The following MIS18BP1 variants were observed in gnomAD, a reference collection of about 807,000 sequenced individuals.
MIS18BP1 encodes MIS18 binding protein 1.
A neutral mutation model predicts 116.1 loss-of-function variants in MIS18BP1; 72 were observed. That is an observed-to-expected ratio of 0.62 (90% CI 0.51 to 0.75). The LOEUF is 0.75. MIS18BP1 is among the 30% of genes least tolerant of loss of function. The pLI, the probability that MIS18BP1 is intolerant of heterozygous loss-of-function variation, is 0.00. For synonymous variants in MIS18BP1, 386 were observed against 427.0 expected (o/e 0.90, Z 1.18); for missense variants, 1,363 against 1,303.2 (o/e 1.05, Z -0.71).
At chr14:45,223,007 C>A (rs1374066503) in intron 11 of MIS18BP1, among the ~76,000 whole-genome samples, 1 of 152,174 alleles carries the variant, frequency 6.6e-6, no homozygotes, top group Admixed American at 6.5e-5. Context: ...TCAGCCCCAG[C>A]TGATGCTGTG....
chr14:45,226,210 C>A (rs1310655499), intron 10 of MIS18BP1, among the ~76,000 whole-genome samples: 1 of 152,170 alleles, frequency 6.6e-6, no homozygotes, highest in Non-Finnish European at 1.5e-5. Context: ...ATAAGTAGCA[C>A]TGCTTTCCTA....
chr14:45,250,912 C>T (rs965291048), intron 1 of MIS18BP1, among the ~76,000 whole-genome samples: 3 of 152,102 alleles, frequency 2.0e-5, no homozygotes, highest in Non-Finnish European at 4.4e-5. Flanking sequence ...TGACACGCGC[C>T]TGTATTCCCA....
chr14:45,221,416 G>A (rs550072251), intron 11 of MIS18BP1, among the ~76,000 whole-genome samples: 7 of 152,174 alleles, frequency 4.6e-5, no homozygotes, highest in Admixed American at 1.3e-4. Context: ...CAGCCTGGGC[G>A]ACAGAGCAAG....
chr14:45,245,592 G>A (rs1020232672), intron 2 of MIS18BP1, among the ~76,000 whole-genome samples: 1 of 152,002 alleles, frequency 6.6e-6, no homozygotes, highest in South Asian at 2.1e-4. Flanking sequence ...TTGAACCCCC[G>A]ACCTCAGGTG....
Position 45,242,017 on chromosome 14 carries a change from C to A in MIS18BP1, c.1143+17G>T. Reference sequence around the variant, plus strand: ...GGTAAAAATAGAAATAAATATCTGTCTTAAAAGTTTTCCCACCTGATTTTT... The same window carrying A: ...GGTAAAAATAGAAATAAATATCTGTATTAAAAGTTTTCCCACCTGATTTTT... On this transcript the variant is annotated intron_variant, in intron 4 of 16. Transcript: ENST00000310806. 2 of 1,584,180 alleles carry A rather than the reference C, an allele frequency of 1.3e-6. No homozygotes were observed. The highest frequency in any genetic ancestry group is 1.2e-5 in the South Asian group (1 of 85,338).
At chr14:45,232,280 G>A (rs955007041) in intron 7 of MIS18BP1, among the ~76,000 whole-genome samples, 3 of 151,950 alleles carry the variant, frequency 2.0e-5, no homozygotes, top group African/African-American at 4.8e-5. Context: ...AGCCAGGTGT[G>A]GTGGCGGGCG....
intron 14 of MIS18BP1, 84 bp downstream of exon 14, chr14:45,210,296 G>T: frequency 1.5e-6 from 2 of 1,335,528 alleles, no homozygotes; most frequent in Admixed American, 2.3e-5. Flanking sequence ...CCCATTACTG[G>T]CATCTATGGT....
At chr14:45,236,463 T>C (rs1891431600) in intron 5 of MIS18BP1, among the ~76,000 whole-genome samples, 1 of 152,194 alleles carries the variant, frequency 6.6e-6, no homozygotes, top group African/African-American at 2.4e-5. Context: ...GACCCATAAA[T>C]CTATTCTTTA....
intron 2 of MIS18BP1, 72 bp downstream of exon 2, chr14:45,246,671 G>A: frequency 7.1e-7 from 1 of 1,402,652 alleles, no homozygotes; most frequent in Non-Finnish European, 9.6e-7. Context: ...TATATTCTGA[G>A]CACCTAAAAC....
chr14:45,217,766 C>T (rs899019102), intron 12 of MIS18BP1, among the ~76,000 whole-genome samples: 14 of 152,172 alleles, frequency 9.2e-5, no homozygotes, highest in Admixed American at 2.0e-4. Flanking sequence ...AGAATGACTG[C>T]CTCTACATTG....
chr14:45,234,865 G>T (rs985921070), intron 6 of MIS18BP1, among the ~76,000 whole-genome samples: 1 of 152,204 alleles, frequency 6.6e-6, no homozygotes, highest in Non-Finnish European at 1.5e-5. Context: ...GGAGTTAAAT[G>T]ATATTCTTAT....
Position 45,235,491 on chromosome 14 carries a change from G to A in MIS18BP1, c.1348+323C>T, listed in dbSNP as rs1371955973. ...CTTAGTCCCGGCTACTCAGGAGGCTGAGGCAGGACAATCACTTGAACCCCG... is the reference window on the plus strand; with the variant it reads ...CTTAGTCCCGGCTACTCAGGAGGCTAAGGCAGGACAATCACTTGAACCCCG... On this transcript the variant is annotated intron_variant, in intron 6 of 16. Coordinates refer to ENST00000310806, the MANE Select transcript of MIS18BP1 (RefSeq NM_018353.5). Among the ~76,000 whole-genome samples, 4 of 149,986 alleles carry A rather than the reference G, an allele frequency of 2.7e-5. No individual in the cohort carries two copies. In the East Asian group the frequency reaches 8.0e-4, roughly 30 times the overall value.
intron 9 of MIS18BP1, 46 bp downstream of exon 9, chr14:45,227,617 C>T: frequency 6.5e-7 from 1 of 1,532,762 alleles, no homozygotes; most frequent in Non-Finnish European, 8.9e-7. Context: ...GTAAATCACC[C>T]TTCTAAATAT....
chr14:45,245,943 CTCCAT>C (rs1891711393), intron 2 of MIS18BP1, among the ~76,000 whole-genome samples: 1 of 152,198 alleles, frequency 6.6e-6, no homozygotes, highest in African/African-American at 2.4e-5. Flanking sequence ...TGAGCCCGCA[CTCCAT>C]TCCTCCTTCC....
intron 13 of MIS18BP1, among the ~76,000 whole-genome samples, chr14:45,214,247 G>A (rs8008760): frequency 0.024 from 3,726 of 152,310 alleles, 76 homozygotes; most frequent in African/African-American, 0.059. Flanking sequence ...GAATATCTCA[G>A]TGTAAAACCC....
At chr14:45,250,447 A>G (rs1253728811) in intron 1 of MIS18BP1, among the ~76,000 whole-genome samples, 1 of 152,224 alleles carries the variant, frequency 6.6e-6, no homozygotes, top group Non-Finnish European at 1.5e-5. Context: ...AAACACAGAC[A>G]TTAGTGGAGA....
chr14:45,223,835 TTAAC>T, intron 11 of MIS18BP1, 79 bp downstream of exon 11: 1 of 1,014,696 alleles, frequency 9.9e-7, no homozygotes, highest in Non-Finnish European at 1.4e-6. Flanking sequence ...ATCTTCCATG[TTAAC>T]CCCTTATTGC....
At chr14:45,211,769 C>A (rs745485257) in intron 13 of MIS18BP1, among the ~76,000 whole-genome samples, 1 of 152,230 alleles carries the variant, frequency 6.6e-6, no homozygotes, top group Non-Finnish European at 1.5e-5. Context: ...GTGCCAGCTG[C>A]TCATGGCTAG....
intron 11 of MIS18BP1, among the ~76,000 whole-genome samples, chr14:45,221,138 A>G (rs1273268849): frequency 6.6e-6 from 1 of 150,868 alleles, no homozygotes; most frequent in African/African-American, 2.4e-5. Flanking sequence ...CTGTCTCCAA[A>G]AAGAAAAAAA....
Sources: allele counts gnomAD v4.1 joint callset (sites outside exome capture counted in the v4.1 genomes callset), GRCh38; gene constraint gnomAD v4.1.1; transcripts MANE v1.5; gene names NCBI Gene and HGNC (gene_info 2026-07-23, HGNC 2026-07-21).